EPHA2: variants seen among roughly 807,000 people sequenced by gnomAD.
EPHA2 encodes the protein ephrin type-A receptor 2.
A neutral mutation model predicts 104.9 loss-of-function variants in EPHA2; 54 were observed. The observed-to-expected ratio is 0.51, with a 90% CI of 0.41 to 0.65. The LOEUF is 0.65. EPHA2 is among the 30% of genes least tolerant of loss of function. The probability of loss-of-function intolerance (pLI) is 0.00; values close to 1 mark genes in which losing one functional copy is unlikely to be tolerated. For missense variants in EPHA2, 1,117 were observed against 1,369.5 expected, an observed-to-expected ratio of 0.82 and a Z score of 2.91; for synonymous variants, 560 against 559.1, an observed-to-expected ratio of 1.00 and a Z score of -0.02.
At chr1:16,138,212 G>A (rs2124228215) in intron 4 of EPHA2, 27 bp from the exon 5 acceptor site, 3 of 1,611,692 alleles carry the variant, frequency 1.9e-6, no homozygotes, top group African/African-American at 1.3e-5. Context: ...AGTCAGTGCT[G>A]TGCTGGACCC....
rs142825252 is a variant in EPHA2 at position 16,125,248 on chromosome 1, C to T, written c.2898G>A (p.Lys966=). 9.1e-5 allele frequency: 147 copies of T among 1,613,914 alleles called. No individual in the cohort carries two copies. The highest frequency in any genetic ancestry group is 1.2e-4 in the Non-Finnish European group (145 of 1,180,030). ...KRIAYSLLGL[K]DQVNTVGIPI ...GGATCCCCACAGTGTTCACCTGGTC[C>T]TTGAGTCCCAGCAGGCTGTAGGCGA... The change falls in exon 17 of 17, where the codon AAG becomes AAA. Residue 966 remains lysine, a synonymous_variant. Coordinates refer to ENST00000358432, the MANE Select transcript of EPHA2 (RefSeq NM_004431.5). The surrounding 1 kb of genome is among the most constrained non-coding windows in gnomAD (Gnocchi z 4.9).
At position 16,150,787 on chromosome 1, in the gene EPHA2, T is replaced by G; in HGVS notation, c.153+109A>C. On this transcript the variant is annotated intron_variant, in intron 2 of 16. Coordinates refer to ENST00000358432, the MANE Select transcript of EPHA2 (RefSeq NM_004431.5). The surrounding 1 kb of genome is among the most constrained non-coding windows in gnomAD (Gnocchi z 4.8). ...CCCTGAGCCTGAGACCTGGCTGAGCTGCTGAATTGAAGCCAGGCCCCACGC... is the reference window on the plus strand; with the variant it reads ...CCCTGAGCCTGAGACCTGGCTGAGCGGCTGAATTGAAGCCAGGCCCCACGC... 8.1e-7 allele frequency: 1 copy of G among 1,239,272 alleles called. No individual in the cohort carries two copies. The highest frequency in any genetic ancestry group is 1.7e-5 in the Admixed American group (1 of 57,884). The allele number at this position is 1,239,272 out of a possible 1,614,324, so 76.8% of individuals were successfully genotyped here.
rs1277413520 is a variant in EPHA2, at chr1:16,136,301, A to AT, written c.1313-532dup. 4.0e-3 allele frequency among the ~76,000 whole-genome samples: 344 copies of AT among 86,642 alleles called. 2 individuals are homozygous for AT. Among genetic ancestry groups the AT allele is most frequent in the African/African-American group, 0.011 (320 of 29,860 alleles). The allele number at this position is 86,642 out of a possible 152,430, so 56.8% of individuals were successfully genotyped here. Reference sequence around the variant, plus strand: ...AGAGGTGCCCCATATTTACGAGTGCATAAATAATAATAATAATAATAATAA... The same window carrying AT: ...AGAGGTGCCCCATATTTACGAGTGCATTAAATAATAATAATAATAATAATAA... On this transcript the variant is annotated intron_variant, in intron 5 of 16. Coordinates refer to ENST00000358432, the MANE Select transcript of EPHA2 (RefSeq NM_004431.5).
At position 16,148,343 on chromosome 1, in the gene EPHA2, A is replaced by C. The variant is rs2024969656; in HGVS notation, c.823+35T>G. 45 of 1,581,928 alleles carry C rather than the reference A, an allele frequency of 2.8e-5. No homozygotes were observed. Among genetic ancestry groups the C allele is most frequent in the Non-Finnish European group, 3.6e-5 (42 of 1,166,640 alleles). ...TAAAGACCAGAACCTGGGAATGCAG[A>C]ACCCCCTTCCCTGCAACCCAGAACC... On this transcript the variant is annotated intron_variant, in intron 3 of 16. Coordinates refer to ENST00000358432, the MANE Select transcript of EPHA2 (RefSeq NM_004431.5). The surrounding 1 kb of genome is among the most constrained non-coding windows in gnomAD (Gnocchi z 4.9).
At position 16,137,917 on chromosome 1, in the gene EPHA2, A is replaced by G. The variant is rs745403185; in HGVS notation, c.1248T>C (p.Asn416=). The G allele has an allele frequency of 6.2e-7, 1 of 1,614,066 alleles. No individual in the cohort carries two copies. The highest frequency in any genetic ancestry group is 1.7e-5 in the Admixed American group (1 of 60,032). ...MNYTFTVEAR[N]GVSGLVTSRS... ...GGCTGGTTACCAGGCCTGAGACGCC[A>G]TTGCGGGCCTCCACGGTGAAGGTGT... The change falls in exon 5 of 17, where the codon AAT becomes AAC. Residue 416 remains asparagine, a synonymous_variant. Transcript: ENST00000358432.
At chr1:16,140,351 C>A (rs953302513) in intron 3 of EPHA2, among the ~76,000 whole-genome samples, 5 of 152,212 alleles carry the variant, frequency 3.3e-5, no homozygotes, top group Admixed American at 2.6e-4. Context: ...ACAGAGGAGG[C>A]CCGGGACCCG....
chr1:16,143,476 G>A (rs1279007046), intron 3 of EPHA2, among the ~76,000 whole-genome samples: 2 of 152,070 alleles, frequency 1.3e-5, no homozygotes, highest in African/African-American at 4.8e-5. Context: ...CGGTTGTCTG[G>A]CAGGCCTGGG....
At position 16,155,985 on chromosome 1, in the gene EPHA2, C is replaced by G; in HGVS notation, c.-53G>C. The G allele has an allele frequency of 1.4e-6, 2 of 1,406,660 alleles. No homozygotes were observed. The highest frequency in any genetic ancestry group is 1.4e-5 in the South Asian group (1 of 70,958). 87.1% of individuals were successfully genotyped at this position (1,406,660 alleles called of 1,614,324 possible). On this transcript the variant is annotated 5_prime_UTR_variant, in exon 1 of 17. Transcript: ENST00000358432. ...CCCCCGAGCCCGGCTCCCGCACACC[C>G]GCACGCCTGCACGCCGGCCTCGGTG...
intron 3 of EPHA2, among the ~76,000 whole-genome samples, chr1:16,147,164 C>T (rs2024948358): frequency 2.6e-5 from 4 of 152,246 alleles, no homozygotes; most frequent in Admixed American, 2.6e-4. Context: ...CCACGGCTTC[C>T]TCCATGTGAA....
In EPHA2 at chr1:16,135,800, G is replaced by A. The variant is rs901912515; in HGVS notation, c.1313-30C>T. ...GCAGGACAGGCAGTGGGGGAAGTGG[G>A]TAAGAAGCTGCCTACGAGCAGGCAG... is the stretch of plus-strand genomic sequence containing the variant. On this transcript the variant is annotated intron_variant, in intron 5 of 16. Transcript: ENST00000358432. The surrounding 1 kb of genome is among the most constrained non-coding windows in gnomAD (Gnocchi z 4.3). The A allele has an allele frequency of 8.3e-7, 1 of 1,209,608 alleles. No individual in the cohort carries two copies. The highest frequency in any genetic ancestry group is 2.3e-4 in the Middle Eastern group (1 of 4,384). The allele number at this position is 1,209,608 out of a possible 1,614,324, so 74.9% of individuals were successfully genotyped here.
rs2025162899 is a variant in EPHA2 at position 16,156,032 on chromosome 1, G to T, written c.-100C>A. 6.7e-6 allele frequency: 7 copies of T among 1,050,392 alleles called. No homozygotes were observed. In the East Asian group the frequency reaches 2.0e-4, roughly 30 times the overall value. The allele number at this position is 1,050,392 out of a possible 1,614,324, so 65.1% of individuals were successfully genotyped here. ...GGTGTCCGCTCCCGCCCGCCGGCCT[G>T]CGCGCAACTTCTGCCCCTCCTGCCC... On this transcript the variant is annotated 5_prime_UTR_variant, in exon 1 of 17. Transcript: ENST00000358432.
At chr1:16,155,364 A>T (rs2025135606) in intron 1 of EPHA2, 1 of 154,570 alleles carries the variant, frequency 6.5e-6, no homozygotes, top group Non-Finnish European at 1.4e-5. Context: ...AATCTCAGGG[A>T]ACAGGGGCTT....
At position 16,125,050 on chromosome 1, in the gene EPHA2, TC is replaced by T; in HGVS notation, c.*164del. 1.5e-6 allele frequency: 1 copy of T among 687,044 alleles called. No homozygotes were observed. The highest frequency in any genetic ancestry group is 1.7e-5 in the South Asian group (1 of 58,826). 42.6% of individuals were successfully genotyped at this position (687,044 alleles called of 1,614,324 possible). A position where few individuals can be genotyped will look rare whatever the true frequency, so the allele number is the denominator to read the frequency against. ...CAGCCCAGCATCCCTGGTCATCTCC[TC>T]AGTTCAGGCCAGGGTGTCATCCGAG... On this transcript the variant is annotated 3_prime_UTR_variant, in exon 17 of 17. Coordinates refer to ENST00000358432, the MANE Select transcript of EPHA2 (RefSeq NM_004431.5). This position sits in a 1 kb window ranked among gnomAD's most constrained non-coding sequence, Gnocchi z 4.9.
At position 16,156,063 on chromosome 1, in the gene EPHA2, C is replaced by A; in HGVS notation, c.-131G>T. On this transcript the variant is annotated 5_prime_UTR_variant, in exon 1 of 17. Transcript: ENST00000358432. ...AACTTCTGCCCCTCCTGCCCCGAGT[C>A]CTTAATGGAAGTTGGGTGAGAACCG... 1 of 682,136 alleles carries A rather than the reference C, an allele frequency of 1.5e-6. No homozygotes were observed. Among genetic ancestry groups the A allele is most frequent in the Non-Finnish European group, 2.2e-6 (1 of 457,850 alleles). The allele number at this position is 682,136 out of a possible 1,614,324, so 42.3% of individuals were successfully genotyped here. A position where few individuals can be genotyped will look rare whatever the true frequency, so the allele number is the denominator to read the frequency against.
intron 11 of EPHA2, 119 bp downstream of exon 11, chr1:16,133,061 G>C: frequency 4.4e-6 from 6 of 1,366,530 alleles, no homozygotes; most frequent in Non-Finnish European, 6.1e-6. Flanking sequence ...TTGTAGAGGA[G>C]GTGGGTGCAG....
At chr1:16,142,912 G>A (rs2024851484) in intron 3 of EPHA2, among the ~76,000 whole-genome samples, 1 of 150,338 alleles carries the variant, frequency 6.7e-6, no homozygotes, top group Non-Finnish European at 1.5e-5. Flanking sequence ...GTGGGTTGGT[G>A]GGTGGACGGA....
rs770610646 is a variant in EPHA2 at position 16,148,470 on chromosome 1, C to T, written c.731G>A (p.Arg244His). The change falls in exon 3 of 17, where the codon CGT becomes CAT. Residue 244 changes from arginine to histidine, a missense_variant. By Grantham distance (29) the Arg-to-His change is conservative. Coordinates refer to ENST00000358432, the MANE Select transcript of EPHA2 (RefSeq NM_004431.5). This position sits in a 1 kb window ranked among gnomAD's most constrained non-coding sequence, Gnocchi z 4.9. ...CTCGCCATCCACTGCACAGTGCATACGGGGCTCTTCACCCCCCGGTGGCAC... is the reference window on the plus strand; with the variant it reads ...CTCGCCATCCACTGCACAGTGCATATGGGGCTCTTCACCCCCCGGTGGCAC... ...AVVPPGGEEP[R>H]MHCAVDGEWL... 1.2e-5 allele frequency: 19 copies of T among 1,613,780 alleles called. No homozygotes were observed. Among genetic ancestry groups the T allele is most frequent in the Admixed American group, 3.3e-5 (2 of 60,016 alleles).
chr1:16,133,072 G>A (rs2024609163), intron 11 of EPHA2, 108 bp downstream of exon 11: 1 of 1,456,938 alleles, frequency 6.9e-7, no homozygotes, highest in Non-Finnish European at 9.4e-7. Flanking sequence ...GTGGGTGCAG[G>A]TGTGGGGGGA....
chr1:16,132,347 C>T (rs1570399433), intron 12 of EPHA2, 31 bp downstream of exon 12: 3 of 1,614,146 alleles, frequency 1.9e-6, no homozygotes, highest in East Asian at 2.2e-5. Flanking sequence ...AATGGCCAGG[C>T]ATCCCCGCCC....
Sources: allele counts gnomAD v4.1 joint callset (sites outside exome capture counted in the v4.1 genomes callset), GRCh38; gene constraint gnomAD v4.1.1; non-coding constraint Gnocchi (gnomAD v3.1); transcripts MANE v1.5; gene names NCBI Gene and HGNC (gene_info 2026-07-23, HGNC 2026-07-21).